HIVEP2: variants seen among roughly 807,000 people sequenced by gnomAD.
HIVEP2 encodes the protein transcription factor HIVEP2.
HIVEP2 carries 14 observed loss-of-function variants against 180.7 expected under a neutral mutation model. The ratio of observed to expected loss-of-function variants is 0.08; its 90% confidence interval spans 0.05 to 0.12. The LOEUF (loss-of-function observed/expected upper bound fraction) is 0.12. Ranked by LOEUF, HIVEP2 falls within the 10% of genes least tolerant of loss-of-function variation. The pLI, the probability that HIVEP2 is intolerant of heterozygous loss-of-function variation, is 1.00. For synonymous variants in HIVEP2, 1,184 were observed against 1,136.4 expected (o/e 1.04, Z -0.84); for missense variants, 2,579 against 3,008.5 (o/e 0.86, Z 3.34).
chr6:142,922,935 C>T (rs780690050), intron 1 of HIVEP2, among the ~76,000 whole-genome samples: 3 of 152,124 alleles, frequency 2.0e-5, no homozygotes, highest in Admixed American at 6.5e-5. Flanking sequence ...CTCCAGAAAA[C>T]AAACATGTTT....
In HIVEP2 at chr6:142,781,923, T is replaced by C. The variant is rs537021171; in HGVS notation, c.-433+1598A>G. ...CCTACAGTACCCAGGGTTGTCAATC[T>C]GGGATCTTTTGCTTAGGAAAACATT... On this transcript the variant is annotated intron_variant, in intron 3 of 9. Transcript: ENST00000367603. Among the ~76,000 whole-genome samples the C allele has an allele frequency of 2.5e-4, 38 of 152,274 alleles. No homozygotes were observed. The South Asian group carries it at 7.9e-3, about 32-fold the overall frequency.
At chr6:142,913,052 AG>A (rs1259190270) in intron 1 of HIVEP2, among the ~76,000 whole-genome samples, 1 of 152,190 alleles carries the variant, frequency 6.6e-6, no homozygotes, top group East Asian at 1.9e-4. Context: ...ACAGACGAGG[AG>A]ACTAAGACTG....
intron 1 of HIVEP2, among the ~76,000 whole-genome samples, chr6:142,847,665 A>T (rs1043114519): frequency 6.6e-6 from 1 of 152,240 alleles, no homozygotes; most frequent in Non-Finnish European, 1.5e-5. Flanking sequence ...GCTAACTGAT[A>T]TAGGAAGAAC....
intron 2 of HIVEP2, among the ~76,000 whole-genome samples, chr6:142,811,982 A>C (rs1776711277): frequency 6.6e-6 from 1 of 152,330 alleles, no homozygotes; most frequent in African/African-American, 2.4e-5. Flanking sequence ...GTGGTCCCTG[A>C]AAGAAGGGAA....
At chr6:142,801,298 T>C (rs748891862) in intron 2 of HIVEP2, among the ~76,000 whole-genome samples, 7 of 148,226 alleles carry the variant, frequency 4.7e-5, no homozygotes, top group African/African-American at 7.5e-5. Context: ...CAGCAGACTA[T>C]AAAATACATT....
At chr6:142,800,175 T>C (rs1054926761) in intron 2 of HIVEP2, among the ~76,000 whole-genome samples, 2 of 152,164 alleles carry the variant, frequency 1.3e-5, no homozygotes, top group African/African-American at 4.8e-5. Context: ...CTCACAAATA[T>C]CTGAGGAATT....
chr6:142,875,845 G>A (rs369621733), intron 1 of HIVEP2, among the ~76,000 whole-genome samples: 4 of 152,166 alleles, frequency 2.6e-5, no homozygotes, highest in Admixed American at 6.5e-5. Flanking sequence ...GGACAGCCAA[G>A]TGCATGGATT....
chr6:142,885,178 C>T (rs1776665275), intron 1 of HIVEP2, among the ~76,000 whole-genome samples: 1 of 152,126 alleles, frequency 6.6e-6, no homozygotes, highest in Admixed American at 6.5e-5. Flanking sequence ...AGTTACTCTG[C>T]GCAGCCCATG....
intron 2 of HIVEP2, among the ~76,000 whole-genome samples, chr6:142,818,712 AAAGAAAGAAAAGAAAGAAAGAAAAG>A (rs1196484302): frequency 6.2e-5 from 4 of 64,076 alleles, no homozygotes; most frequent in African/African-American, 1.9e-4. Flanking sequence ...AGAAAGAAAG[AAAGAAAGAAAAGAAAGAAAGAAAAG>A]AAAGAAAGAA....
chr6:142,874,012 G>T (rs1021957993), intron 1 of HIVEP2, among the ~76,000 whole-genome samples: 3 of 152,236 alleles, frequency 2.0e-5, no homozygotes, highest in East Asian at 1.9e-4. Context: ...CACTGCAAAT[G>T]GTTCCCCTCC....
At chr6:142,793,673 TTC>T (rs71546219) in intron 2 of HIVEP2, among the ~76,000 whole-genome samples, 19 of 107,404 alleles carry the variant, frequency 1.8e-4, no homozygotes, top group African/African-American at 3.7e-4. Context: ...CTTTCTTTCT[TTC>T]TCTCTCTCTC....
intron 1 of HIVEP2, among the ~76,000 whole-genome samples, chr6:142,874,508 T>C (rs1776377200): frequency 6.6e-6 from 1 of 152,176 alleles, no homozygotes; most frequent in African/African-American, 2.4e-5. Flanking sequence ...GTACTGAGTA[T>C]ATCCTATATG....
At chr6:142,881,475 T>C (rs1562277014) in intron 1 of HIVEP2, among the ~76,000 whole-genome samples, 1 of 152,154 alleles carries the variant, frequency 6.6e-6, no homozygotes, top group Non-Finnish European at 1.5e-5. Context: ...CCTACACATG[T>C]TATTAGAGTA....
At chr6:142,813,768 T>C (rs1303245852) in intron 2 of HIVEP2, among the ~76,000 whole-genome samples, 1 of 151,884 alleles carries the variant, frequency 6.6e-6, no homozygotes, top group Non-Finnish European at 1.5e-5. Context: ...GGTCTCACTG[T>C]ATTGCCCGGG....
chr6:142,886,282 G>A (rs1776696089), intron 1 of HIVEP2, among the ~76,000 whole-genome samples: 1 of 152,184 alleles, frequency 6.6e-6, no homozygotes, highest in South Asian at 2.1e-4. Flanking sequence ...CAAGTAAGAT[G>A]TTAACTAAGA....
At chr6:142,919,642 C>G (rs1582966493) in intron 1 of HIVEP2, among the ~76,000 whole-genome samples, 1 of 152,106 alleles carries the variant, frequency 6.6e-6, no homozygotes, top group South Asian at 2.1e-4. Flanking sequence ...CTCTTACTTG[C>G]CTTCTACAAA....
At chr6:142,766,893 C>T (rs187040070) in intron 6 of HIVEP2, among the ~76,000 whole-genome samples, 2 of 152,146 alleles carry the variant, frequency 1.3e-5, no homozygotes, top group Admixed American at 6.5e-5. Flanking sequence ...TTAGCTATCA[C>T]TTTGCAATTG....
At chr6:142,905,869 C>T (rs573632897) in intron 1 of HIVEP2, among the ~76,000 whole-genome samples, 4 of 152,112 alleles carry the variant, frequency 2.6e-5, no homozygotes, top group Admixed American at 6.5e-5. Flanking sequence ...TGGTGGCTCA[C>T]GCCTATAATC....
At chr6:142,891,577 G>C (rs1776863016) in intron 1 of HIVEP2, among the ~76,000 whole-genome samples, 1 of 152,128 alleles carries the variant, frequency 6.6e-6, no homozygotes, top group South Asian at 2.1e-4. Context: ...TCTTTGCAGG[G>C]TTATGGAGAT....
Sources: allele counts gnomAD v4.1 joint callset (sites outside exome capture counted in the v4.1 genomes callset), GRCh38; gene constraint gnomAD v4.1.1; transcripts MANE v1.5; gene names NCBI Gene and HGNC (gene_info 2026-07-23, HGNC 2026-07-21).